GRID2: variants seen among roughly 807,000 people sequenced by gnomAD.
GRID2 encodes glutamate receptor ionotropic, delta-2.
GRID2 carries 33 observed loss-of-function variants against 114.8 expected under a neutral mutation model. The ratio of observed to expected loss-of-function variants is 0.29; its 90% CI spans 0.22 to 0.38. The LOEUF (loss-of-function observed/expected upper bound fraction) is 0.38. Ranked by LOEUF, GRID2 falls within the 10% of genes least tolerant of loss-of-function variation. The probability of loss-of-function intolerance (pLI) is 1.00; values close to 1 mark genes in which losing one functional copy is unlikely to be tolerated. For synonymous variants in GRID2, 505 were observed against 449.9 expected (o/e 1.12, Z -1.55); for missense variants, 1,184 against 1,257.7 (o/e 0.94, Z 0.89).
At chr4:93,013,331 T>TG (rs1254004282) in intron 2 of GRID2, among the ~76,000 whole-genome samples, 1 of 151,984 alleles carries the variant, frequency 6.6e-6, no homozygotes, top group African/African-American at 2.4e-5. Context: ...GAGGATAACT[T>TG]TATGTTTATT....
intron 2 of GRID2, among the ~76,000 whole-genome samples, chr4:92,642,328 G>C (rs888104752): frequency 4.0e-5 from 6 of 151,370 alleles, no homozygotes; most frequent in Non-Finnish European, 8.9e-5. Flanking sequence ...CTTAATAGTA[G>C]CCATTCTGAC....
At chr4:93,747,224 C>A (rs1450480322) in intron 14 of GRID2, among the ~76,000 whole-genome samples, 1 of 152,052 alleles carries the variant, frequency 6.6e-6, no homozygotes, top group Non-Finnish European at 1.5e-5. Context: ...TTCTTCCATA[C>A]TGCTTTGCTT....
intron 8 of GRID2, among the ~76,000 whole-genome samples, chr4:93,367,940 C>A (rs188201740): frequency 6.6e-6 from 1 of 152,038 alleles, no homozygotes; most frequent in African/African-American, 2.4e-5. Context: ...TCAGGAGACA[C>A]CAGTGATTAC....
At chr4:92,704,394 A>G (rs546532756) in intron 2 of GRID2, among the ~76,000 whole-genome samples, 137 of 152,266 alleles carry the variant, frequency 9.0e-4, no homozygotes, top group African/African-American at 3.1e-3. Context: ...GGTTGTTTTG[A>G]GTTATTACCC....
At chr4:93,730,254 A>G (rs753779256) in intron 14 of GRID2, among the ~76,000 whole-genome samples, 36 of 152,330 alleles carry the variant, frequency 2.4e-4, no homozygotes, top group Non-Finnish European at 4.6e-4. Context: ...CTGAAGACAA[A>G]CAAGGGATGT....
At chr4:93,198,054 T>C (rs900518241) in intron 4 of GRID2, among the ~76,000 whole-genome samples, 6 of 152,162 alleles carry the variant, frequency 3.9e-5, no homozygotes, top group African/African-American at 1.4e-4. Context: ...TCCACAGATG[T>C]ATAAGGACGA....
chr4:92,661,131 C>A (rs141604740), intron 2 of GRID2, among the ~76,000 whole-genome samples: 2 of 150,680 alleles, frequency 1.3e-5, no homozygotes, highest in African/African-American at 2.4e-5. Flanking sequence ...GCTAACAACA[C>A]AAGCAGAAAG....
intron 8 of GRID2, among the ~76,000 whole-genome samples, chr4:93,326,138 G>A (rs1420247061): frequency 6.6e-6 from 1 of 152,078 alleles, no homozygotes; most frequent in Admixed American, 6.6e-5. Flanking sequence ...GAAATACTTT[G>A]TATTTCAAGC....
intron 2 of GRID2, among the ~76,000 whole-genome samples, chr4:92,675,168 C>G (rs1733283344): frequency 6.6e-6 from 1 of 152,108 alleles, no homozygotes; most frequent in Non-Finnish European, 1.5e-5. Flanking sequence ...CTATATAACT[C>G]TGCTTCTAAG....
At chr4:92,875,103 G>T (rs1295519769) in intron 2 of GRID2, among the ~76,000 whole-genome samples, 1 of 150,266 alleles carries the variant, frequency 6.7e-6, no homozygotes, top group Non-Finnish European at 1.5e-5. Flanking sequence ...GGAACTAGAG[G>T]TAGCAACTGA....
At chr4:92,895,313 A>G (rs754229619) in intron 2 of GRID2, among the ~76,000 whole-genome samples, 74 of 149,484 alleles carry the variant, frequency 5.0e-4, no homozygotes, top group Non-Finnish European at 9.6e-4. Context: ...ACTCCAGTAC[A>G]TGGGTTAAAG....
chr4:92,324,859 A>G (rs993051773), intron 1 of GRID2, among the ~76,000 whole-genome samples: 17 of 151,992 alleles, frequency 1.1e-4, no homozygotes, highest in African/African-American at 4.1e-4. Flanking sequence ...AATTTTTCAT[A>G]GTTTTCACAT....
At chr4:93,584,060 T>G (rs977460986) in intron 13 of GRID2, among the ~76,000 whole-genome samples, 2 of 152,142 alleles carry the variant, frequency 1.3e-5, no homozygotes, top group Non-Finnish European at 2.9e-5. Flanking sequence ...AGGGTTCCGG[T>G]CTTAGATCAC....
intron 2 of GRID2, among the ~76,000 whole-genome samples, chr4:93,080,020 A>G (rs934535892): frequency 6.6e-6 from 1 of 152,140 alleles, no homozygotes; most frequent in African/African-American, 2.4e-5. Flanking sequence ...TATTTGGAAG[A>G]ATTTGTTCCA....
At chr4:92,467,948 A>G (rs1327341868) in intron 1 of GRID2, among the ~76,000 whole-genome samples, 1 of 151,916 alleles carries the variant, frequency 6.6e-6, no homozygotes, top group Admixed American at 6.6e-5. Context: ...AACCACACTA[A>G]TGTGACATGT....
chr4:93,571,620 A>C (rs908183399), intron 13 of GRID2, among the ~76,000 whole-genome samples: 1 of 152,164 alleles, frequency 6.6e-6, no homozygotes, highest in African/African-American at 2.4e-5. Flanking sequence ...AATAAAGTTT[A>C]GCAACATCAC....
At position 92,571,326 on chromosome 4, in the gene GRID2, G is replaced by C. The variant is rs540051180; in HGVS notation, c.89-18805G>C. ...GGTAAAGGGATCAATTCAACAAGAA[G>C]AGCTAACTATCCTAAATATATATGC... On this transcript the variant is annotated intron_variant, in intron 1 of 15. Coordinates refer to ENST00000282020, the MANE Select transcript of GRID2 (RefSeq NM_001510.4). Among the ~76,000 whole-genome samples the C allele has an allele frequency of 2.8e-3, 433 of 152,016 alleles. 1 individual carries two copies. Among genetic ancestry groups the C allele is most frequent in the Middle Eastern group, 0.01 (3 of 294 alleles).
At chr4:93,143,147 T>C (rs1401899183) in intron 4 of GRID2, among the ~76,000 whole-genome samples, 1 of 152,226 alleles carries the variant, frequency 6.6e-6, no homozygotes, top group Non-Finnish European at 1.5e-5. Context: ...AAATATTAGC[T>C]GAATTAATTC....
chr4:93,746,888 C>G (rs1560968964), intron 14 of GRID2, among the ~76,000 whole-genome samples: 1 of 151,950 alleles, frequency 6.6e-6, no homozygotes, highest in Non-Finnish European at 1.5e-5. Flanking sequence ...GAAATTAACT[C>G]TTTTTTATAG....
Sources: allele counts gnomAD v4.1 joint callset (sites outside exome capture counted in the v4.1 genomes callset), GRCh38; gene constraint gnomAD v4.1.1; transcripts MANE v1.5; gene names NCBI Gene and HGNC (gene_info 2026-07-23, HGNC 2026-07-21).